Variants in PPM1H observed in about 807,000 individuals in gnomAD.
PPM1H encodes the protein protein phosphatase 1H.
A neutral mutation model predicts 54.9 loss-of-function variants in PPM1H; 27 were observed. That is an observed-to-expected ratio of 0.49 (90% confidence interval 0.36 to 0.68). The LOEUF is 0.68. Ranked by LOEUF, PPM1H falls within the 30% of genes least tolerant of loss-of-function variation. The pLI is 0.00. For missense variants in PPM1H, 596 were observed against 667.8 expected, an observed-to-expected ratio of 0.89 and a Z score of 1.19; for synonymous variants, 305 against 270.8, an observed-to-expected ratio of 1.13 and a Z score of -1.24.
intron 6 of PPM1H, among the ~76,000 whole-genome samples, chr12:62,696,057 T>C (rs2076113638): frequency 6.6e-6 from 1 of 152,068 alleles, no homozygotes; most frequent in African/African-American, 2.4e-5. Context: ...AAGGCTAGAA[T>C]TAAATAGAGG....
At chr12:62,756,257 C>T (rs747908618) in intron 4 of PPM1H, 129 of 701,146 alleles carry the variant, frequency 1.8e-4, no homozygotes, top group Non-Finnish European at 3.0e-4. Context: ...CCAACCCCAG[C>T]GAGAGCGAGA....
intron 9 of PPM1H, among the ~76,000 whole-genome samples, chr12:62,660,904 G>T (rs1384334920): frequency 6.6e-6 from 1 of 152,114 alleles, no homozygotes; most frequent in African/African-American, 2.4e-5. Flanking sequence ...TCCTCATCTT[G>T]TTTCTCACCA....
intron 4 of PPM1H, among the ~76,000 whole-genome samples, chr12:62,758,369 C>T (rs967492606): frequency 6.6e-6 from 1 of 152,182 alleles, no homozygotes; most frequent in African/African-American, 2.4e-5. Flanking sequence ...ATGCCTATAG[C>T]GTTCTCACCA....
chr12:62,718,451 T>A lies in PPM1H; in HGVS notation c.1073+1720A>T, dbSNP rs145861157. Among the ~76,000 whole-genome samples, 37 of 152,294 alleles carry A rather than the reference T, an allele frequency of 2.4e-4. No homozygotes were observed. In the East Asian group the frequency reaches 7.1e-3, roughly 29 times the overall value. Reference sequence around the variant, plus strand: ...GAATGGCCCTCCAAAAACATCACTTTCATTTATTTCTCTTTCTCAGGAATA... The same window carrying A: ...GAATGGCCCTCCAAAAACATCACTTACATTTATTTCTCTTTCTCAGGAATA... On this transcript the variant is annotated intron_variant, in intron 6 of 9. Transcript: ENST00000228705.
intron 4 of PPM1H, among the ~76,000 whole-genome samples, chr12:62,764,601 G>T (rs1408988302): frequency 6.7e-6 from 1 of 149,148 alleles, no homozygotes; most frequent in East Asian, 2.0e-4. Flanking sequence ...CTCCCATTTT[G>T]TTTTTTTTTT....
intron 2 of PPM1H, among the ~76,000 whole-genome samples, chr12:62,812,882 G>C (rs2076843415): frequency 6.6e-6 from 1 of 151,214 alleles, no homozygotes; most frequent in African/African-American, 2.4e-5. Context: ...AGGAGCTGAA[G>C]TCATTTCAGA....
At chr12:62,741,389 G>A (rs577410897) in intron 4 of PPM1H, among the ~76,000 whole-genome samples, 1 of 152,186 alleles carries the variant, frequency 6.6e-6, no homozygotes, top group Admixed American at 6.5e-5. Flanking sequence ...TGCTTCATAG[G>A]GTCACAAAGG....
chr12:62,788,887 G>A lies in PPM1H; in HGVS notation c.757-549C>T, dbSNP rs540439797. Among the ~76,000 whole-genome samples, 116 of 152,096 alleles carry A rather than the reference G, an allele frequency of 7.6e-4. 1 individual carries two copies. The highest frequency in any genetic ancestry group is 6.6e-3 in the South Asian group (32 of 4,814). ...ACCACAGGTGCGCACCACCATGCCC[G>A]GCTAATTTTTGTATTTTTTGTAGAG... On this transcript the variant is annotated intron_variant, in intron 3 of 9. Coordinates refer to ENST00000228705, the MANE Select transcript of PPM1H (RefSeq NM_020700.2).
At chr12:62,817,510 A>C (rs2076878505) in intron 2 of PPM1H, among the ~76,000 whole-genome samples, 1 of 152,032 alleles carries the variant, frequency 6.6e-6, no homozygotes, top group Non-Finnish European at 1.5e-5. Flanking sequence ...AGAAAAGAAA[A>C]TTCTTATTTT....
rs1317861503 is a variant in PPM1H at position 62,801,885 on chromosome 12, G to A, written c.687C>T (p.Phe229=). 4 of 1,613,798 alleles carry A rather than the reference G, an allele frequency of 2.5e-6. No homozygotes were observed. The highest frequency in any genetic ancestry group is 3.4e-6 in the Non-Finnish European group (4 of 1,179,824). ...CATGGGGAATCTTCTTCTCGGTAAA[G>A]AAGCGTGTGGGGGGCGTGCTGGGGG... ...PGSPSTPPTR[F]FTEKKIPHEC... is the part of the protein sequence containing the mutation. Residue 229 remains phenylalanine, a synonymous_variant, in exon 3 of 10, where the codon TTC becomes TTT. Coordinates refer to ENST00000228705, the MANE Select transcript of PPM1H (RefSeq NM_020700.2).
At chr12:62,691,339 T>C (rs549929737) in intron 7 of PPM1H, among the ~76,000 whole-genome samples, 6 of 152,340 alleles carry the variant, frequency 3.9e-5, no homozygotes, top group African/African-American at 1.2e-4. Flanking sequence ...AATTACCTCC[T>C]ATGAGTGGGG....
chr12:62,825,849 T>A (rs1481925811), intron 2 of PPM1H, among the ~76,000 whole-genome samples: 1 of 151,636 alleles, frequency 6.6e-6, no homozygotes, highest in Non-Finnish European at 1.5e-5. Flanking sequence ...AACCTGCATA[T>A]TGTGCGCATG....
intron 1 of PPM1H, among the ~76,000 whole-genome samples, chr12:62,908,423 AAAG>A (rs1459521682): frequency 0.1 from 7,938 of 77,886 alleles, 340 homozygotes; most frequent in East Asian, 0.25. Context: ...AAAAAAAAAA[AAAG>A]AAAGAAAGAA....
chr12:62,862,204 G>T (rs907962131), intron 1 of PPM1H, among the ~76,000 whole-genome samples: 1 of 152,184 alleles, frequency 6.6e-6, no homozygotes, highest in African/African-American at 2.4e-5. Context: ...GAATCCACTG[G>T]AAAGTAGGAA....
chr12:62,666,507 ATGGATGACTATCAG>A (rs1019667267), intron 9 of PPM1H, among the ~76,000 whole-genome samples: 9 of 152,184 alleles, frequency 5.9e-5, no homozygotes, highest in African/African-American at 2.2e-4. Context: ...CAATTCTCCA[ATGGATGACTATCAG>A]TGCTGGGGTG....
chr12:62,824,790 T>TA (rs1868269921), intron 2 of PPM1H, among the ~76,000 whole-genome samples: 1 of 152,098 alleles, frequency 6.6e-6, no homozygotes, highest in East Asian at 1.9e-4. Context: ...CCCAAAATCA[T>TA]AAAAAGCCTA....
At chr12:62,726,533 G>T (rs1375746117) in intron 5 of PPM1H, among the ~76,000 whole-genome samples, 1 of 152,222 alleles carries the variant, frequency 6.6e-6, no homozygotes, top group East Asian at 1.9e-4. Context: ...TGAGAAGAGC[G>T]TTACTGCTTC....
rs184374182 is a variant in PPM1H at position 62,830,600 on chromosome 12, C to A, written c.411+1514G>T. ...GACAAAACTGAGGCTCAAAGAATAACCATCCCAAAATTAAGTAGCTAAAGT... is the reference window on the plus strand; with the variant it reads ...GACAAAACTGAGGCTCAAAGAATAAACATCCCAAAATTAAGTAGCTAAAGT... On this transcript the variant is annotated intron_variant, in intron 2 of 9. Coordinates refer to ENST00000228705, the MANE Select transcript of PPM1H (RefSeq NM_020700.2). Among the ~76,000 whole-genome samples, 23 of 152,180 alleles carry A rather than the reference C, an allele frequency of 1.5e-4. No homozygotes were observed. In the East Asian group the frequency reaches 2.7e-3, roughly 18 times the overall value.
intron 3 of PPM1H, among the ~76,000 whole-genome samples, chr12:62,800,254 C>G (rs796965120): frequency 7.9e-5 from 12 of 152,260 alleles, no homozygotes; most frequent in African/African-American, 2.2e-4. Context: ...ATGTGCCTAT[C>G]CGGTTCTGGC....
Sources: gnomAD v4.1 joint callset for allele counts (sites outside exome capture counted in the v4.1 genomes callset) on GRCh38, gnomAD v4.1.1 for gene constraint, MANE v1.5 for transcripts, NCBI Gene and HGNC (gene_info 2026-07-23, HGNC 2026-07-21) for gene names.